CNTNAP2: variants seen among roughly 807,000 people sequenced by gnomAD.
CNTNAP2 encodes contactin associated protein 2.
CNTNAP2 carries 98 observed loss-of-function variants against 155.2 expected under a neutral mutation model. The observed-to-expected ratio is 0.63, with a 90% CI of 0.54 to 0.75. The LOEUF (loss-of-function observed/expected upper bound fraction) is 0.75, where lower values mean the gene tolerates loss of function less well. CNTNAP2 is among the 30% of genes least tolerant of loss of function. The probability of loss-of-function intolerance (pLI) is 0.00; values close to 1 mark genes in which losing one functional copy is unlikely to be tolerated. For missense variants in CNTNAP2, 1,727 were observed against 1,688.1 expected (o/e 1.02, Z -0.40); for synonymous variants, 651 against 631.2 (o/e 1.03, Z -0.47).
At chr7:147,137,916 GGTAGATAGATA>G (rs747505186) in intron 8 of CNTNAP2, among the ~76,000 whole-genome samples, 2,756 of 66,236 alleles carry the variant, frequency 0.042, 29 homozygotes, top group South Asian at 0.09. Context: ...TAGATAGATA[GGTAGATAGATA>G]AAAAGTATTG....
chr7:148,301,107 A>G (rs1327356035), intron 21 of CNTNAP2, among the ~76,000 whole-genome samples: 1 of 151,910 alleles, frequency 6.6e-6, no homozygotes, highest in African/African-American at 2.4e-5. Context: ...CAGCCTGACT[A>G]ACATGGTGAA....
intron 1 of CNTNAP2, among the ~76,000 whole-genome samples, chr7:146,405,888 A>T (rs1320203942): frequency 2.0e-5 from 3 of 152,226 alleles, no homozygotes; most frequent in Non-Finnish European, 4.4e-5. Flanking sequence ...ATCCTCAAAT[A>T]ACCTTCTTTT....
At chr7:146,654,124 C>A (rs1359822987) in intron 1 of CNTNAP2, among the ~76,000 whole-genome samples, 2 of 151,860 alleles carry the variant, frequency 1.3e-5, no homozygotes, top group Admixed American at 6.6e-5. Flanking sequence ...ATGTTGCTTG[C>A]GAATGCATGG....
chr7:147,623,149 G>T (rs867556157), intron 12 of CNTNAP2, among the ~76,000 whole-genome samples: 1 of 151,878 alleles, frequency 6.6e-6, no homozygotes, highest in Non-Finnish European at 1.5e-5. Flanking sequence ...AAAAGCACAG[G>T]AACTGAAGGC....
At chr7:146,477,872 T>C (rs1444533575) in intron 1 of CNTNAP2, among the ~76,000 whole-genome samples, 1 of 152,116 alleles carries the variant, frequency 6.6e-6, no homozygotes, top group Non-Finnish European at 1.5e-5. Flanking sequence ...GTGAGTAATA[T>C]AATGCCCAAC....
intron 19 of CNTNAP2, among the ~76,000 whole-genome samples, chr7:148,228,171 C>G (rs1038687894): frequency 6.6e-6 from 1 of 151,978 alleles, no homozygotes; most frequent in African/African-American, 2.4e-5. Context: ...ATTGCTGGCT[C>G]CATTTTTAAG....
chr7:147,226,420 C>A (rs910281495), intron 8 of CNTNAP2, among the ~76,000 whole-genome samples: 1 of 151,994 alleles, frequency 6.6e-6, no homozygotes, highest in South Asian at 2.1e-4. Flanking sequence ...ATTAGGACTT[C>A]ATCGTGTAGT....
chr7:147,895,612 A>C (rs1351517217), intron 13 of CNTNAP2, among the ~76,000 whole-genome samples: 1 of 152,202 alleles, frequency 6.6e-6, no homozygotes, highest in Non-Finnish European at 1.5e-5. Context: ...GAAATAGATA[A>C]TTCAGTTATT....
intron 15 of CNTNAP2, among the ~76,000 whole-genome samples, chr7:148,073,314 C>A (rs1803416922): frequency 6.6e-6 from 1 of 152,154 alleles, no homozygotes; most frequent in Admixed American, 6.6e-5. Flanking sequence ...TTCCCCTTAC[C>A]TACAGTTTCA....
At chr7:147,679,959 A>G (rs1345201976) in intron 13 of CNTNAP2, among the ~76,000 whole-genome samples, 1 of 151,550 alleles carries the variant, frequency 6.6e-6, no homozygotes, top group Admixed American at 6.7e-5. Flanking sequence ...TCAACTCTGA[A>G]TATCTTCGTT....
intron 14 of CNTNAP2, among the ~76,000 whole-genome samples, chr7:147,975,353 C>G (rs990436468): frequency 6.6e-6 from 1 of 151,826 alleles, no homozygotes; most frequent in Non-Finnish European, 1.5e-5. Flanking sequence ...TGGAGCTGTT[C>G]TAAATCATTA....
At chr7:147,816,463 T>G (rs1007138319) in intron 13 of CNTNAP2, among the ~76,000 whole-genome samples, 10 of 152,170 alleles carry the variant, frequency 6.6e-5, no homozygotes, top group African/African-American at 2.4e-4. Context: ...ACATTAATCT[T>G]ATGGAAATGT....
chr7:146,850,789 T>TA (rs138878609), intron 3 of CNTNAP2, among the ~76,000 whole-genome samples: 5,545 of 151,492 alleles, frequency 0.037, 333 homozygotes, highest in African/African-American at 0.12. Context: ...CAAATAAAAA[T>TA]AAAAAAAACT....
intron 13 of CNTNAP2, among the ~76,000 whole-genome samples, chr7:147,775,269 A>ATT (rs1383642639): frequency 9.8e-6 from 1 of 101,810 alleles, no homozygotes; most frequent in Admixed American, 1.5e-4. Context: ...AAATATATTT[A>ATT]TATATATATT....
intron 1 of CNTNAP2, among the ~76,000 whole-genome samples, chr7:146,483,103 C>T (rs1234298210): frequency 2.0e-5 from 3 of 150,326 alleles, no homozygotes; most frequent in Non-Finnish European, 4.4e-5. Context: ...GGTGAAACCC[C>T]GTCTCTACTA....
intron 14 of CNTNAP2, among the ~76,000 whole-genome samples, chr7:147,932,872 GCAAA>G (rs1327024084): frequency 2.0e-5 from 3 of 151,954 alleles, no homozygotes; most frequent in Admixed American, 6.6e-5. Flanking sequence ...GAGTAAAAAA[GCAAA>G]CAAACTGATT....
At chr7:146,763,437 A>G (rs1802139714) in intron 1 of CNTNAP2, among the ~76,000 whole-genome samples, 1 of 152,054 alleles carries the variant, frequency 6.6e-6, no homozygotes, top group African/African-American at 2.4e-5. Flanking sequence ...AATTAACACC[A>G]TCTGAAATAC....
chr7:146,240,018 A>G (rs963880738), intron 1 of CNTNAP2, among the ~76,000 whole-genome samples: 2 of 152,232 alleles, frequency 1.3e-5, no homozygotes, highest in African/African-American at 2.4e-5. Context: ...TGTAAAAATT[A>G]ACATCAGAAT....
intron 21 of CNTNAP2, among the ~76,000 whole-genome samples, chr7:148,296,201 T>G (rs1402284594): frequency 6.6e-6 from 1 of 152,026 alleles, no homozygotes; most frequent in African/African-American, 2.4e-5. Flanking sequence ...AAATGAACAA[T>G]CTTGTTCATG....
Sources: gnomAD v4.1 joint callset for allele counts (sites outside exome capture counted in the v4.1 genomes callset) on GRCh38, gnomAD v4.1.1 for gene constraint, MANE v1.5 for transcripts, NCBI Gene and HGNC (gene_info 2026-07-23, HGNC 2026-07-21) for gene names.